The following DNAH7 variants were observed in gnomAD, a reference collection of about 807,000 sequenced individuals.
DNAH7 encodes dynein axonemal heavy chain 7.
A neutral mutation model predicts 444.6 loss-of-function variants in DNAH7; 397 were observed. That is an observed-to-expected ratio of 0.89 (90% confidence interval 0.82 to 0.97). DNAH7 has a LOEUF of 0.97. DNAH7 is among the 50% of genes least tolerant of loss of function. The probability of loss-of-function intolerance (pLI) is 0.00; values close to 1 mark genes in which losing one functional copy is unlikely to be tolerated. For synonymous variants in DNAH7, 1,636 were observed against 1,624.4 expected, an observed-to-expected ratio of 1.01 and a Z score of -0.17; for missense variants, 4,902 against 4,800.8, an observed-to-expected ratio of 1.02 and a Z score of -0.62.
At chr2:195,978,570 A>T (rs1470946285) in intron 15 of DNAH7, among the ~76,000 whole-genome samples, 2 of 152,018 alleles carry the variant, frequency 1.3e-5, no homozygotes, top group Non-Finnish European at 2.9e-5. Flanking sequence ...CAAAATTATC[A>T]ATAACAACAA....
chr2:195,891,921 G>T, intron 30 of DNAH7, 117 bp from the exon 31 acceptor site: 1 of 789,438 alleles, frequency 1.3e-6, no homozygotes, highest in Non-Finnish European at 1.8e-6. Flanking sequence ...TAGAAGTAGT[G>T]AATTTGACAA....
chr2:195,793,351 C>T (rs1033330544), intron 57 of DNAH7, among the ~76,000 whole-genome samples: 2 of 152,162 alleles, frequency 1.3e-5, no homozygotes, highest in East Asian at 1.9e-4. Context: ...CTTTGGTTTT[C>T]GTTCGGGCTG....
intron 19 of DNAH7, 40 bp from the exon 20 acceptor site, chr2:195,936,832 A>G (rs1249234210): frequency 1.5e-6 from 2 of 1,313,494 alleles, no homozygotes; most frequent in Non-Finnish European, 2.1e-6. Context: ...CAAAAATATT[A>G]GATACTAACT....
chr2:195,854,098 T>G (rs1032330497), intron 45 of DNAH7, among the ~76,000 whole-genome samples: 3 of 152,140 alleles, frequency 2.0e-5, no homozygotes, highest in African/African-American at 7.2e-5. Context: ...CAACCAAATG[T>G]GATTATATGT....
chr2:195,918,294 A>G (rs1687809903), intron 24 of DNAH7, among the ~76,000 whole-genome samples: 1 of 152,252 alleles, frequency 6.6e-6, no homozygotes, highest in African/African-American at 2.4e-5. Context: ...ACCAGATAGG[A>G]ACTCTCATTC....
intron 29 of DNAH7, among the ~76,000 whole-genome samples, 153 bp from the exon 30 acceptor site, chr2:195,895,377 T>C (rs1020419804): frequency 1.3e-5 from 2 of 152,186 alleles, no homozygotes; most frequent in African/African-American, 4.8e-5. Flanking sequence ...CAAACGTGTA[T>C]TTTTTTCTTT....
In DNAH7 at chr2:196,026,930, T is replaced by C; in HGVS notation, c.497A>G (p.Tyr166Cys). Residue 166 changes from tyrosine to cysteine, a missense_variant, in exon 7 of 65, where the codon TAT becomes TGT. Coordinates refer to ENST00000312428, the MANE Select transcript of DNAH7 (RefSeq NM_018897.3). Reference protein sequence around the residue: ...AIEKDILRYYYYIHHGIDTDH... With the variant: ...AIEKDILRYYCYIHHGIDTDH... ...TGTATCAATTCCATGGTGAATATAA[T>C]AGTAATATCTCTACAAAAAGAAGAT... 1 of 1,588,960 alleles carries C rather than the reference T, an allele frequency of 6.3e-7. No homozygotes were observed.
Position 195,960,426 on chromosome 2 carries a change from T to G in DNAH7, c.2725A>C (p.Ile909Leu). The change falls in exon 18 of 65, where the codon ATT becomes CTT. Residue 909 changes from isoleucine to leucine, a missense_variant. Coordinates refer to ENST00000312428, the MANE Select transcript of DNAH7 (RefSeq NM_018897.3). ...AATTCCACTGCATCCCACTCAGTAA[T>G]CATCTTCTCCATCGCCTTTTCAAGA... ...YSLEKAMEKM[I>L]TEWDAVEFVI... 6.2e-7 allele frequency: 1 copy of G among 1,614,186 alleles called. No individual in the cohort carries two copies.
chr2:195,752,666 C>CA (rs1275486278), intron 63 of DNAH7, among the ~76,000 whole-genome samples: 3 of 152,100 alleles, frequency 2.0e-5, no homozygotes, highest in Non-Finnish European at 4.4e-5. Flanking sequence ...AGCCAACCAG[C>CA]ATGAATATGG....
At chr2:195,775,807 C>T in intron 60 of DNAH7, 39 bp downstream of exon 60, 1 of 1,595,580 alleles carries the variant, frequency 6.3e-7, no homozygotes, top group Non-Finnish European at 8.5e-7. Flanking sequence ...GAGCATCCTT[C>T]CCAGGCCTCA....
At chr2:195,779,135 T>G (rs960248199) in intron 58 of DNAH7, among the ~76,000 whole-genome samples, 2 of 152,084 alleles carry the variant, frequency 1.3e-5, no homozygotes, top group African/African-American at 4.8e-5. Flanking sequence ...GACGTACCGC[T>G]CCCAGCCAGA....
intron 19 of DNAH7, among the ~76,000 whole-genome samples, chr2:195,939,747 T>C (rs1171854719): frequency 3.3e-5 from 5 of 152,122 alleles, no homozygotes; most frequent in Non-Finnish European, 7.4e-5. Flanking sequence ...TAGGTTTACA[T>C]TTCTAAACCA....
Position 196,031,977 on chromosome 2 carries a change from T to C in DNAH7, c.399-3930A>G, listed in dbSNP as rs137952508. Among the ~76,000 whole-genome samples, 3,005 of 152,264 alleles carry C rather than the reference T, an allele frequency of 0.02. 256 individuals carry two copies. In the East Asian group the frequency reaches 0.27, roughly 14 times the overall value. On this transcript the variant is annotated intron_variant, in intron 5 of 64. Transcript: ENST00000312428. ...AACACCCCACTATACTGGTACCAATTTACCGTATTAGTCCATTTTCATGCT... is the reference window on the plus strand; with the variant it reads ...AACACCCCACTATACTGGTACCAATCTACCGTATTAGTCCATTTTCATGCT...
intron 19 of DNAH7, among the ~76,000 whole-genome samples, chr2:195,948,888 T>C (rs966548613): frequency 1.3e-5 from 2 of 152,202 alleles, no homozygotes; most frequent in African/African-American, 4.8e-5. Flanking sequence ...TTGGGCAGTA[T>C]GGCCATTTTC....
chr2:196,047,810 T>C (rs1391861294), intron 4 of DNAH7, among the ~76,000 whole-genome samples: 1 of 151,822 alleles, frequency 6.6e-6, no homozygotes, highest in Non-Finnish European at 1.5e-5. Flanking sequence ...AAAAACAGGA[T>C]ACAAAACTAT....
rs1559371320 is a variant in DNAH7, at chr2:196,051,284, ACT to A, written c.79-37_79-36del. On this transcript the variant is annotated intron_variant, in intron 2 of 64. Coordinates refer to ENST00000312428, the MANE Select transcript of DNAH7 (RefSeq NM_018897.3). ...AAATATGAAGGGGAAAAAAGTGTTT[ACT>A]CTGTTAGTGCTAAAATTGATTCACT... is the stretch of plus-strand genomic sequence containing the variant. 7 of 1,570,690 alleles carry A rather than the reference ACT, an allele frequency of 4.5e-6. 1 individual carries two copies. The South Asian group carries it at 6.7e-5, about 15-fold the overall frequency.
At chr2:195,991,428 A>G (rs1693333104) in intron 12 of DNAH7, among the ~76,000 whole-genome samples, 1 of 152,234 alleles carries the variant, frequency 6.6e-6, no homozygotes, top group Non-Finnish European at 1.5e-5. Flanking sequence ...AATTTTATTT[A>G]CAGATCTATA....
chr2:195,859,492 CTCT>C (rs1362236164), intron 42 of DNAH7, among the ~76,000 whole-genome samples: 1 of 151,786 alleles, frequency 6.6e-6, no homozygotes, highest in Non-Finnish European at 1.5e-5. Context: ...ATAGAGAAAA[CTCT>C]TCTTTATAAT....
intron 34 of DNAH7, 113 bp downstream of exon 34, chr2:195,886,028 T>C: frequency 7.9e-7 from 1 of 1,263,624 alleles, no homozygotes; most frequent in Non-Finnish European, 1.1e-6. Context: ...CTACCACCCG[T>C]TGACTAGTCT....
Sources: allele counts gnomAD v4.1 joint callset (sites outside exome capture counted in the v4.1 genomes callset), GRCh38; gene constraint gnomAD v4.1.1; transcripts MANE v1.5; gene names NCBI Gene and HGNC (gene_info 2026-07-23, HGNC 2026-07-21).